The following SERPINB7 variants were observed in gnomAD, a reference collection of about 807,000 sequenced individuals.
SERPINB7 encodes serpin B7.
A neutral mutation model predicts 37.4 loss-of-function variants in SERPINB7; 31 were observed. The ratio of observed to expected loss-of-function variants is 0.83; its 90% CI spans 0.62 to 1.12. The LOEUF is 1.12. SERPINB7 is among the 50% of genes most tolerant of loss of function. The pLI is 0.00. For missense variants in SERPINB7, 521 were observed against 455.3 expected, an observed-to-expected ratio of 1.14 and a Z score of -1.31; for synonymous variants, 163 against 166.1, an observed-to-expected ratio of 0.98 and a Z score of 0.14.
intron 2 of SERPINB7, among the ~76,000 whole-genome samples, chr18:63,791,119 C>T (rs969738216): frequency 6.6e-6 from 1 of 152,034 alleles, no homozygotes; most frequent in Non-Finnish European, 1.5e-5. Flanking sequence ...AGGGGTACAT[C>T]ATAAACCAGG....
In SERPINB7 at chr18:63,777,387, C is replaced by T. The variant is rs555488301; in HGVS notation, c.-19+1671C>T. Among the ~76,000 whole-genome samples, 20 of 151,956 alleles carry T rather than the reference C, an allele frequency of 1.3e-4. No homozygotes were observed. In the East Asian group the frequency reaches 2.3e-3, roughly 18 times the overall value. On this transcript the variant is annotated intron_variant, in intron 1 of 7. Coordinates refer to ENST00000398019, the MANE Select transcript of SERPINB7 (RefSeq NM_003784.4). ...AATATGAATTATTCCAGGTGGGGCT[C>T]GGTCATATTCATCAAATACCAAAAT...
upstream of SERPINB7, among the ~76,000 whole-genome samples, chr18:63,772,432 T>C (rs1386150381): frequency 6.6e-6 from 1 of 151,952 alleles, no homozygotes; most frequent in Non-Finnish European, 1.5e-5. Context: ...TGTAGGAAAA[T>C]TAGATACATC....
intron 1 of SERPINB7, among the ~76,000 whole-genome samples, chr18:63,763,416 T>C (rs555706954): frequency 3.9e-5 from 6 of 152,348 alleles, no homozygotes; most frequent in South Asian, 2.1e-4. Context: ...CATGGTTTTA[T>C]GTTGGAGCTG....
At chr18:63,786,373 A>C (rs1373832624) in intron 2 of SERPINB7, among the ~76,000 whole-genome samples, 2 of 151,284 alleles carry the variant, frequency 1.3e-5, no homozygotes, top group African/African-American at 4.8e-5. Flanking sequence ...ATTGAAATAC[A>C]TTATGAAATA....
intron 2 of SERPINB7, among the ~76,000 whole-genome samples, chr18:63,783,232 G>GAAGGAA (rs1555694190): frequency 7.4e-5 from 3 of 40,720 alleles, no homozygotes; most frequent in Non-Finnish European, 1.4e-4. Context: ...GAGAGAGAGA[G>GAAGGAA]AGAAAGAAAG....
chr18:63,769,155 T>C (rs1430784168), intron 1 of SERPINB7, among the ~76,000 whole-genome samples: 4 of 152,146 alleles, frequency 2.6e-5, no homozygotes, highest in African/African-American at 4.8e-5. Flanking sequence ...GATGTTTTAT[T>C]GGTGTCTCAC....
intron 6 of SERPINB7, 65 bp from the exon 7 acceptor site, chr18:63,800,801 T>A: frequency 1.3e-6 from 2 of 1,552,340 alleles, no homozygotes; most frequent in African/African-American, 2.7e-5. Flanking sequence ...TATTCTTATA[T>A]GTATTTGGTT....
intron 5 of SERPINB7, among the ~76,000 whole-genome samples, chr18:63,798,074 C>T (rs2049506986): frequency 6.6e-6 from 1 of 152,192 alleles, no homozygotes; most frequent in Non-Finnish European, 1.5e-5. Context: ...CTCTTCTGTG[C>T]TGGACTGGGA....
At chr18:63,762,136 C>G (rs2049157704) in intron 1 of SERPINB7, among the ~76,000 whole-genome samples, 1 of 152,180 alleles carries the variant, frequency 6.6e-6, no homozygotes, top group Non-Finnish European at 1.5e-5. Flanking sequence ...AGAACTGGGT[C>G]TTCTGCTCCA....
At chr18:63,780,552 CAA>C (rs1344069570) in intron 1 of SERPINB7, among the ~76,000 whole-genome samples, 2 of 152,134 alleles carry the variant, frequency 1.3e-5, no homozygotes, top group Non-Finnish European at 2.9e-5. Flanking sequence ...TCCTTTGTTG[CAA>C]AGAGTTTCTC....
chr18:63,804,758 G>T lies in SERPINB7; in HGVS notation c.*123G>T, dbSNP rs1209671901. Reference sequence around the variant, plus strand: ...TTGAGTTTATTTCTTCCTAACATTGGTCAGCAGATGACACTGGTGACTTGA... The same window carrying T: ...TTGAGTTTATTTCTTCCTAACATTGTTCAGCAGATGACACTGGTGACTTGA... On this transcript the variant is annotated 3_prime_UTR_variant, in exon 8 of 8. Coordinates refer to ENST00000398019, the MANE Select transcript of SERPINB7 (RefSeq NM_003784.4). 2.0e-6 allele frequency: 2 copies of T among 1,018,102 alleles called. No individual in the cohort carries two copies. The highest frequency in any genetic ancestry group is 5.1e-5 in the Admixed American group (2 of 38,988). 63.1% of individuals were successfully genotyped at this position (1,018,102 alleles called of 1,614,324 possible).
chr18:63,802,840 C>A (rs1443309649), intron 7 of SERPINB7, among the ~76,000 whole-genome samples: 1 of 152,146 alleles, frequency 6.6e-6, no homozygotes, highest in East Asian at 1.9e-4. Context: ...ATTTTAGCAA[C>A]AACTTTCTTT....
At chr18:63,781,635 G>T (rs1416285742) in intron 1 of SERPINB7, among the ~76,000 whole-genome samples, 1 of 152,140 alleles carries the variant, frequency 6.6e-6, no homozygotes, top group Non-Finnish European at 1.5e-5. Context: ...CGTCTGTATT[G>T]CAGAAACAAC....
chr18:63,794,605 G>A (rs556629825), intron 4 of SERPINB7, among the ~76,000 whole-genome samples: 1 of 152,232 alleles, frequency 6.6e-6, no homozygotes, highest in Non-Finnish European at 1.5e-5. Flanking sequence ...CAGGAGAATG[G>A]CATGAACCCA....
intron 1 of SERPINB7, among the ~76,000 whole-genome samples, chr18:63,754,878 G>GTTT (rs2049111485): frequency 3.3e-5 from 3 of 90,156 alleles, no homozygotes; most frequent in South Asian, 3.8e-4. Context: ...TTAAACTGAG[G>GTTT]TCTTTTTTTT....
chr18:63,786,302 C>CAT (rs1258296231), intron 2 of SERPINB7, among the ~76,000 whole-genome samples: 1 of 78,216 alleles, frequency 1.3e-5, no homozygotes, highest in African/African-American at 1.6e-4. Context: ...GTTTGGATTA[C>CAT]ACGTTTGGAT....
At chr18:63,779,335 T>C (rs1271845605) in intron 1 of SERPINB7, among the ~76,000 whole-genome samples, 2 of 152,292 alleles carry the variant, frequency 1.3e-5, no homozygotes, top group African/African-American at 4.8e-5. Context: ...AAACAATCAG[T>C]TCAGTCTTAA....
At position 63,796,300 on chromosome 18, in the gene SERPINB7, C is replaced by T; in HGVS notation, c.371C>T (p.Ala124Val). The change falls in exon 5 of 8, where the codon GCC (alanine) becomes GTC (valine). Residue 124 changes from alanine (A) to valine (V), a missense_variant. Ala to Val is a moderately conservative substitution (Grantham distance 64, BLOSUM62 0). Coordinates refer to ENST00000398019, the MANE Select transcript of SERPINB7 (RefSeq NM_003784.4). Reference protein sequence around the residue: ...YIECAEKLYDAKVERVDFTNH... With the variant: ...YIECAEKLYDVKVERVDFTNH... Reference sequence around the variant, plus strand: ...GAGTGTGCCGAAAAATTATACGATGCCAAAGTGGAGCGAGTTGACTTTACG... The same window carrying T: ...GAGTGTGCCGAAAAATTATACGATGTCAAAGTGGAGCGAGTTGACTTTACG... 6.2e-7 allele frequency: 1 copy of T among 1,612,638 alleles called. No homozygotes were observed. Among genetic ancestry groups the T allele is most frequent in the Non-Finnish European group, 8.5e-7 (1 of 1,178,998 alleles).
At chr18:63,788,035 A>G (rs1049657810) in intron 2 of SERPINB7, among the ~76,000 whole-genome samples, 15 of 152,378 alleles carry the variant, frequency 9.8e-5, no homozygotes, top group African/African-American at 3.4e-4. Context: ...AATGATGTAC[A>G]GTACGTAATG....
Sources: allele counts gnomAD v4.1 joint callset (sites outside exome capture counted in the v4.1 genomes callset), GRCh38; gene constraint gnomAD v4.1.1; transcripts MANE v1.5; gene names NCBI Gene and HGNC (gene_info 2026-07-23, HGNC 2026-07-21).